The following EMP1 variants were observed in gnomAD, a reference collection of about 807,000 sequenced individuals.
EMP1 encodes the protein epithelial membrane protein 1.
EMP1 carries 5 observed loss-of-function variants against 15.7 expected under a neutral mutation model. The observed-to-expected ratio is 0.32, with a 90% CI of 0.17 to 0.67. The LOEUF is 0.67. Among genes scored for constraint, EMP1 ranks in the 30% least tolerant of loss-of-function variants. EMP1 has a pLI of 0.74. For missense variants in EMP1, 166 were observed against 194.2 expected (o/e 0.85, Z 0.86); for synonymous variants, 78 against 76.7 (o/e 1.02, Z -0.09).
rs1431712281 is a variant in EMP1 at position 13,216,221 on chromosome 12, G to A, written c.*1530G>A. 1.7e-6 allele frequency: 1 copy of A among 591,268 alleles called. No individual in the cohort carries two copies. The allele number at this position is 591,268 out of a possible 1,614,324, so 36.6% of individuals were successfully genotyped here. ...AGAAGATCTACCCCAGGGAGAATCT[G>A]AGACATCTTGCCTACTTTTCTTTAT... is the stretch of plus-strand genomic sequence containing the variant. On this transcript the variant is annotated 3_prime_UTR_variant, in exon 5 of 5. Transcript: ENST00000256951.
At position 13,211,525 on chromosome 12, in the gene EMP1, G is replaced by A. The variant is rs1268401914; in HGVS notation, c.15G>A (p.Leu5=). The change falls in exon 2 of 5, where the codon CTG becomes CTA. Residue 5 remains leucine, a synonymous_variant. Coordinates refer to ENST00000256951, the MANE Select transcript of EMP1 (RefSeq NM_001423.3). This position sits in a 1 kb window ranked among gnomAD's most constrained non-coding sequence, Gnocchi z 4.7. Reference sequence around the variant, plus strand: ...AAAGAGCCAACATGTTGGTATTGCTGGCTGGTATCTTTGTGGTCCACATCG... The same window carrying A: ...AAAGAGCCAACATGTTGGTATTGCTAGCTGGTATCTTTGTGGTCCACATCG... MLVL[L]AGIFVVHIAT... The A allele has an allele frequency of 6.2e-7, 1 of 1,611,230 alleles. No individual in the cohort carries two copies. The highest frequency in any genetic ancestry group is 1.1e-5 in the South Asian group (1 of 90,040).
intron 4 of EMP1, chr12:13,214,120 G>T: frequency 1.6e-6 from 1 of 611,326 alleles, no homozygotes; most frequent in Non-Finnish European, 2.9e-6. Flanking sequence ...TTCTCAGAAA[G>T]ATGAAACCAC....
At chr12:13,200,878 A>G (rs765128272) in intron 1 of EMP1, among the ~76,000 whole-genome samples, 5 of 152,182 alleles carry the variant, frequency 3.3e-5, no homozygotes, top group Non-Finnish European at 7.3e-5. Context: ...TGGCTGTGAC[A>G]GTTTTTCTAT....
chr12:13,212,007 C>T (rs1864168318), intron 2 of EMP1: 4 of 175,420 alleles, frequency 2.3e-5, no homozygotes, highest in Non-Finnish European at 4.8e-5. Flanking sequence ...GAAGGACAAG[C>T]TTTGGTCAGA....
chr12:13,205,018 T>G (rs1369167652), intron 1 of EMP1, among the ~76,000 whole-genome samples: 1 of 152,184 alleles, frequency 6.6e-6, no homozygotes, highest in Non-Finnish European at 1.5e-5. Flanking sequence ...TGGTGGTCGT[T>G]GCAAAGAGCA....
At chr12:13,200,186 G>A (rs999259050) in intron 1 of EMP1, among the ~76,000 whole-genome samples, 3 of 152,054 alleles carry the variant, frequency 2.0e-5, no homozygotes, top group African/African-American at 7.2e-5. Flanking sequence ...TACATACTCG[G>A]AGGGACACAC....
chr12:13,207,813 C>T (rs7955085), intron 1 of EMP1, among the ~76,000 whole-genome samples: 105,274 of 152,014 alleles, frequency 0.69, 37,140 homozygotes, highest in Non-Finnish European at 0.78. Flanking sequence ...AGTCAGTGGA[C>T]GGCCTGTTCT....
chr12:13,199,099 A>G (rs1026232630), intron 1 of EMP1: 1 of 152,294 alleles, frequency 6.6e-6, no homozygotes, highest in African/African-American at 2.4e-5. Context: ...TGGGTACTAA[A>G]CTGTCTTGGG....
chr12:13,201,801 A>G (rs1864068483), intron 1 of EMP1, among the ~76,000 whole-genome samples: 1 of 152,210 alleles, frequency 6.6e-6, no homozygotes, highest in Admixed American at 6.5e-5. Context: ...CTGTGAAGAC[A>G]TTGACAACAG....
intron 1 of EMP1, among the ~76,000 whole-genome samples, chr12:13,198,766 A>G (rs986131782): frequency 1.3e-5 from 2 of 152,216 alleles, no homozygotes; most frequent in Non-Finnish European, 1.5e-5. Flanking sequence ...ATGATACTGT[A>G]GGTTTATAAA....
At position 13,213,947 on chromosome 12, in the gene EMP1, T is replaced by C. The variant is rs74690704; in HGVS notation, c.316+126T>C. ...TTCCTTGTGCAATTTTCTCCTCTGGTTATTTGTTCTCTTGTGGAGAACCTT... is the reference window on the plus strand; with the variant it reads ...TTCCTTGTGCAATTTTCTCCTCTGGCTATTTGTTCTCTTGTGGAGAACCTT... On this transcript the variant is annotated intron_variant, in intron 4 of 4. Coordinates refer to ENST00000256951, the MANE Select transcript of EMP1 (RefSeq NM_001423.3). The C allele has an allele frequency of 1.2e-3, 1,585 of 1,362,936 alleles. 20 individuals carry two copies. The highest frequency in any genetic ancestry group is 0.01 in the African/African-American group (723 of 70,374). 84.4% of individuals were successfully genotyped at this position (1,362,936 alleles called of 1,614,324 possible).
chr12:13,202,917 C>T (rs571851117), intron 1 of EMP1, among the ~76,000 whole-genome samples: 1 of 152,134 alleles, frequency 6.6e-6, no homozygotes, highest in South Asian at 2.1e-4. Context: ...AAGAGCCCTG[C>T]CTGGAAGGTG....
intron 1 of EMP1, among the ~76,000 whole-genome samples, chr12:13,205,873 A>T (rs1301535939): frequency 1.3e-5 from 2 of 152,192 alleles, no homozygotes; most frequent in Non-Finnish European, 1.5e-5. Context: ...TATTTTTGGA[A>T]ATCCAAGTCC....
At position 13,214,717 on chromosome 12, in the gene EMP1, G is replaced by A. The variant is rs375009495; in HGVS notation, c.*26G>A. The A allele has an allele frequency of 3.7e-6, 6 of 1,606,672 alleles. No homozygotes were observed. Among genetic ancestry groups the A allele is most frequent in the Non-Finnish European group, 5.1e-6 (6 of 1,176,466 alleles). On this transcript the variant is annotated 3_prime_UTR_variant, in exon 5 of 5. Coordinates refer to ENST00000256951, the MANE Select transcript of EMP1 (RefSeq NM_001423.3). Reference sequence around the variant, plus strand: ...GGCCGGACGAGTTCATGGGGATCTGGGGGGTGGGGAGGAGGAAGCCGTTGA... The same window carrying A: ...GGCCGGACGAGTTCATGGGGATCTGAGGGGTGGGGAGGAGGAAGCCGTTGA...
rs145336190 is a variant in EMP1 at position 13,212,535 on chromosome 12, G to A, written c.79-944G>A. On this transcript the variant is annotated intron_variant, in intron 2 of 4. Coordinates refer to ENST00000256951, the MANE Select transcript of EMP1 (RefSeq NM_001423.3). Reference sequence around the variant, plus strand: ...CAACCCCCGCCCACGTGACCTCCTTGTTTTGTAATTTAGCCATTCTATATG... The same window carrying A: ...CAACCCCCGCCCACGTGACCTCCTTATTTTGTAATTTAGCCATTCTATATG... 2.0e-5 allele frequency among the ~76,000 whole-genome samples: 3 copies of A among 152,356 alleles called. No individual in the cohort carries two copies. The East Asian group carries it at 5.8e-4, about 29-fold the overall frequency.
intron 1 of EMP1, among the ~76,000 whole-genome samples, chr12:13,207,713 C>T (rs1267024767): frequency 1.3e-5 from 2 of 152,138 alleles, no homozygotes; most frequent in Non-Finnish European, 2.9e-5. Context: ...GCCCCTGTGC[C>T]ATGTATGTTA....
chr12:13,201,284 G>A (rs1472734617), intron 1 of EMP1, among the ~76,000 whole-genome samples: 3 of 152,094 alleles, frequency 2.0e-5, no homozygotes, highest in Non-Finnish European at 4.4e-5. Flanking sequence ...GTGCATGCCT[G>A]TAGTCCCAGC....
intron 1 of EMP1, among the ~76,000 whole-genome samples, chr12:13,205,167 A>C (rs1049345160): frequency 1.2e-4 from 18 of 152,240 alleles, no homozygotes. Flanking sequence ...TCTTGAATTG[A>C]AAAGGAATTT....
At chr12:13,206,339 AG>A (rs1337234548) in intron 1 of EMP1, among the ~76,000 whole-genome samples, 1 of 152,166 alleles carries the variant, frequency 6.6e-6, no homozygotes, top group East Asian at 1.9e-4. Flanking sequence ...CCTTTTGTAG[AG>A]AAGGTCTCCA....
Sources: gnomAD v4.1 joint callset for allele counts (sites outside exome capture counted in the v4.1 genomes callset) on GRCh38, gnomAD v4.1.1 for gene constraint, Gnocchi (gnomAD v3.1) non-coding constraint, MANE v1.5 for transcripts, NCBI Gene and HGNC (gene_info 2026-07-23, HGNC 2026-07-21) for gene names.